SCAF1: variants seen among roughly 807,000 people sequenced by gnomAD.
SCAF1 encodes SR-related CTD associated factor 1, also known as splicing factor, arginine/serine-rich 19.
Under a neutral mutation model 91.2 loss-of-function variants are expected in SCAF1, and 28 were observed. The observed-to-expected ratio is 0.31, with a 90% CI of 0.23 to 0.42. The LOEUF (loss-of-function observed/expected upper bound fraction) is 0.42, where lower values mean the gene tolerates loss of function less well. Among genes scored for constraint, SCAF1 ranks in the 10% least tolerant of loss-of-function variants. The pLI, the probability that SCAF1 is intolerant of heterozygous loss-of-function variation, is 1.00. For missense variants in SCAF1, 1,893 were observed against 1,872.1 expected (o/e 1.01, Z -0.21); for synonymous variants, 1,036 against 833.7 (o/e 1.24, Z -4.18).
intron 7 of SCAF1, among the ~76,000 whole-genome samples, 197 bp from the exon 8 acceptor site, chr19:49,654,152 T>C (rs1400354721): frequency 6.6e-6 from 1 of 152,160 alleles, no homozygotes; most frequent in East Asian, 1.9e-4. Flanking sequence ...CCCACACACC[T>C]GGAGTCCCAA....
rs1335680210 is a variant in SCAF1 at position 49,657,815 on chromosome 19, A to G, written c.3673A>G (p.Ile1225Val). Residue 1225 changes from isoleucine to valine, a missense_variant, in exon 10 of 11, where the codon ATC (isoleucine) becomes GTC (valine). By Grantham distance (29) the Ile-to-Val change is conservative. Around this residue, in one of 5 missense-constraint regions of SCAF1, gnomAD observed 56 missense variants for 106.3 expected, o/e 0.53. Transcript: ENST00000360565. ...GGCGGTGGAGGAGGTGAAGCTGGCC[A>G]TCAAGCCATACTATCAGAAGAAGGA... ...ERAVEEVKLA[I>V]KPYYQKKDIT... The G allele has an allele frequency of 6.2e-7, 1 of 1,608,816 alleles. No homozygotes were observed. The highest frequency in any genetic ancestry group is 1.3e-5 in the African/African-American group (1 of 74,848).
chr19:49,644,735 GGAGT>G, intron 1 of SCAF1: 1 of 284,776 alleles, frequency 3.5e-6, no homozygotes, highest in Non-Finnish European at 6.6e-6. Context: ...CGGGAATTGA[GGAGT>G]GAGATGTTAA....
At chr19:49,655,624 C>T (rs1178916196) in intron 9 of SCAF1, among the ~76,000 whole-genome samples, 1 of 152,178 alleles carries the variant, frequency 6.6e-6, no homozygotes, top group Non-Finnish European at 1.5e-5. Context: ...CCTCGGCCTC[C>T]CAAAGTGCAG....
chr19:49,650,702 A>G lies in SCAF1; in HGVS notation c.479-166A>G, dbSNP rs1388852107. On this transcript the variant is annotated intron_variant, in intron 6 of 10. Transcript: ENST00000360565. ...TCCTGTGACCTTTGGGTTAAGAACC[A>G]TGGTGTGCAGTTGTTGGGAGCATCC... 6.6e-5 allele frequency among the ~76,000 whole-genome samples: 10 copies of G among 152,194 alleles called. No individual in the cohort carries two copies. In the South Asian group the frequency reaches 1.0e-3, roughly 16 times the overall value.
upstream of SCAF1, among the ~76,000 whole-genome samples, chr19:49,641,761 G>A (rs997813319): frequency 1.3e-5 from 2 of 152,206 alleles, no homozygotes; most frequent in African/African-American, 4.8e-5. Context: ...AAATTTAGGG[G>A]GGCCTAGAGG....
In SCAF1 at chr19:49,653,171, CGCAGTGGAGGTG is replaced by C; in HGVS notation, c.2787_2798del (p.Gly932_Gly935del). 4.4e-6 allele frequency: 7 copies of C among 1,593,162 alleles called. No homozygotes were observed. The highest frequency in any genetic ancestry group is 5.1e-6 in the Non-Finnish European group (6 of 1,170,164). On this transcript the variant is annotated inframe_deletion, in exon 7 of 11. Transcript: ENST00000360565. The stretch of plus-strand genomic sequence containing the variant: ...GCCATCCAAGACCAGGAAAAAGGTC[CGCAGTGGAGGTG>C]GCAGCGGGGGCAGTGGTGGCCAGGT...
chr19:49,646,003 G>A lies in SCAF1; in HGVS notation c.167-105G>A, dbSNP rs2081052433. 9.7e-7 allele frequency: 1 copy of A among 1,027,970 alleles called. No individual in the cohort carries two copies. Among genetic ancestry groups the A allele is most frequent in the South Asian group, 1.3e-5 (1 of 76,502 alleles). 63.7% of individuals were successfully genotyped at this position (1,027,970 alleles called of 1,614,324 possible). A position where few individuals can be genotyped will look rare whatever the true frequency, so the allele number is the denominator to read the frequency against. On this transcript the variant is annotated intron_variant, in intron 3 of 10. Transcript: ENST00000360565. The surrounding 1 kb of genome is among the most constrained non-coding windows in gnomAD (Gnocchi z 5.6). Reference sequence around the variant, plus strand: ...TGGAGGCCTGGAGAGCATGCGGGAGGCTGGTTCCGCTGTCAGGAACTAGAT... The same window carrying A: ...TGGAGGCCTGGAGAGCATGCGGGAGACTGGTTCCGCTGTCAGGAACTAGAT...
rs758652835 is a variant in SCAF1, at chr19:49,650,936, G to A, written c.547G>A (p.Gly183Ser). 4 of 1,601,206 alleles carry A rather than the reference G, an allele frequency of 2.5e-6. No homozygotes were observed. Among genetic ancestry groups the A allele is most frequent in the South Asian group, 1.1e-5 (1 of 89,284 alleles). ...RHLTLGTGDGGPAPPPAPSSA... is the reference protein window; with the variant it reads ...RHLTLGTGDGSPAPPPAPSSA... ...CCTCACCTTGGGCACGGGAGACGGGGGCCCTGCCCCACCCCCTGCCCCCTC... is the reference window on the plus strand; with the variant it reads ...CCTCACCTTGGGCACGGGAGACGGGAGCCCTGCCCCACCCCCTGCCCCCTC... Residue 183 changes from glycine to serine, a missense_variant, in exon 7 of 11, where the codon GGC becomes AGC. Transcript: ENST00000360565.
At chr19:49,656,523 C>A (rs1284032904) in intron 9 of SCAF1, among the ~76,000 whole-genome samples, 3 of 152,226 alleles carry the variant, frequency 2.0e-5, no homozygotes, top group African/African-American at 7.2e-5. Context: ...CTTGTGCCTG[C>A]AGAAGGCCTG....
chr19:49,652,381 G>T lies in SCAF1; in HGVS notation c.1992G>T (p.Ala664=), dbSNP rs748958375. The T allele has an allele frequency of 1.9e-6, 3 of 1,548,744 alleles. No homozygotes were observed. Among genetic ancestry groups the T allele is most frequent in the Non-Finnish European group, 2.6e-6 (3 of 1,151,110 alleles). ...GGGATGGCAGCGAGAAGGCCCCGGC[G>T]CCCGCCCCGCCGCCCTCTGGCTCCA... ...RSGDGSEKAP[A]PAPPPSGSTS... is the part of the protein sequence containing the mutation. Residue 664 remains alanine, a synonymous_variant, in exon 7 of 11, where the codon GCG becomes GCT. Transcript: ENST00000360565.
At chr19:49,657,951 G>A (rs1450582645) in intron 10 of SCAF1, 62 bp downstream of exon 10, 1 of 1,577,858 alleles carries the variant, frequency 6.3e-7, no homozygotes, top group Non-Finnish European at 8.6e-7. Context: ...AGGGACAGAT[G>A]TGTGCAGACA....
rs199887823 is a variant in SCAF1 at position 49,645,354 on chromosome 19, C to G, written c.109C>G (p.Arg37Gly). Reference sequence around the variant, plus strand: ...GCTTGGTTCTTCCCCCCTTCCCCAGCGAGCCATCCAGCAGGCTGTGGGAAG... The same window carrying G: ...GCTTGGTTCTTCCCCCCTTCCCCAGGGAGCCATCCAGCAGGCTGTGGGAAG... ...PTLSPSAFILRAIQQAVGSSL... is the reference protein window; with the variant it reads ...PTLSPSAFILGAIQQAVGSSL... The change falls in exon 3 of 11, where the codon CGA (arginine) becomes GGA (glycine). Residue 37 changes from arginine (R) to glycine (G), a missense_variant and splice_region_variant. Coordinates refer to ENST00000360565, the MANE Select transcript of SCAF1 (RefSeq NM_021228.3). The surrounding 1 kb of genome is among the most constrained non-coding windows in gnomAD (Gnocchi z 4.6). The G allele has an allele frequency of 1.6e-4, 266 of 1,613,790 alleles. 5 individuals are homozygous for G. Among genetic ancestry groups the G allele is most frequent in the South Asian group, 6.9e-4 (63 of 91,084 alleles).
At position 49,652,663 on chromosome 19, in the gene SCAF1, C is replaced by T. The variant is rs1481053353; in HGVS notation, c.2274C>T (p.Ser758=). The T allele has an allele frequency of 1.3e-6, 2 of 1,562,972 alleles. No individual in the cohort carries two copies. The highest frequency in any genetic ancestry group is 8.7e-7 in the Non-Finnish European group (1 of 1,153,842). ...QKDRRRSGAA[S]SSSSSREKGS... ...ATCGGCGCCGCTCGGGGGCCGCCTC[C>T]TCCTCCTCCTCTTCCCGGGAGAAGG... The change falls in exon 7 of 11, where the codon TCC becomes TCT. Residue 758 remains serine (S), a synonymous_variant. Transcript: ENST00000360565.
Position 49,646,967 on chromosome 19 carries a change from G to A in SCAF1, c.478+137G>A, listed in dbSNP as rs757959646. ...TTCTCTTCGTATTAGACGTGATTAA[G>A]GCTGTAGGCGCATACAGATGTACAT... On this transcript the variant is annotated intron_variant, in intron 6 of 10. Coordinates refer to ENST00000360565, the MANE Select transcript of SCAF1 (RefSeq NM_021228.3). This position sits in a 1 kb window ranked among gnomAD's most constrained non-coding sequence, Gnocchi z 5.6. 1.5e-6 allele frequency: 1 copy of A among 665,442 alleles called. No homozygotes were observed. The highest frequency in any genetic ancestry group is 2.5e-6 in the Non-Finnish European group (1 of 394,340). The allele number at this position is 665,442 out of a possible 1,614,324, so 41.2% of individuals were successfully genotyped here.
intron 9 of SCAF1, among the ~76,000 whole-genome samples, chr19:49,656,509 G>A (rs1335981575): frequency 6.6e-6 from 1 of 152,228 alleles, no homozygotes; most frequent in East Asian, 1.9e-4. Context: ...CCAAGGGACT[G>A]TCCCTTGTGC....
At chr19:49,656,694 T>C (rs1046767509) in intron 9 of SCAF1, among the ~76,000 whole-genome samples, 3 of 152,186 alleles carry the variant, frequency 2.0e-5, no homozygotes, top group Non-Finnish European at 2.9e-5. Flanking sequence ...TCGGAGGCTC[T>C]CTGCCCTGTC....
rs1341786970 is a variant in SCAF1 at position 49,652,132 on chromosome 19, C to T, written c.1743C>T (p.Arg581=). The T allele has an allele frequency of 6.3e-6, 7 of 1,115,128 alleles. No individual in the cohort carries two copies. The highest frequency in any genetic ancestry group is 7.7e-6 in the Non-Finnish European group (7 of 908,912). 69.1% of individuals were successfully genotyped at this position (1,115,128 alleles called of 1,614,324 possible). ...RRRSRSRSRS[R]STRRRSRSTD... ...GCTCCCGCTCCCGCTCCCGCTCCCG[C>T]TCCACCCGCCGCCGCTCGCGCAGCA... Residue 581 remains arginine, a synonymous_variant, in exon 7 of 11, where the codon CGC becomes CGT. Coordinates refer to ENST00000360565, the MANE Select transcript of SCAF1 (RefSeq NM_021228.3).
In SCAF1 at chr19:49,654,814, A is replaced by G. The variant is rs1050094841; in HGVS notation, c.3562A>G (p.Thr1188Ala). The change falls in exon 9 of 11, where the codon ACG becomes GCG. Residue 1188 changes from threonine to alanine, a missense_variant. By Grantham distance (58) the Thr-to-Ala change is moderately conservative (BLOSUM62 0). Around this residue, in one of 5 missense-constraint regions of SCAF1, gnomAD observed 1,436 missense variants for 1,306.8 expected, o/e 1.10. Coordinates refer to ENST00000360565, the MANE Select transcript of SCAF1 (RefSeq NM_021228.3). ...CCCCACCCCCACCGGGCTGGCTGCCACGTCTGACAAGAGAGAGGGCAGCAG... is the reference window on the plus strand; with the variant it reads ...CCCCACCCCCACCGGGCTGGCTGCCGCGTCTGACAAGAGAGAGGGCAGCAG... ...TPPTPTGLAA[T>A]SDKREGSSSS... is the part of the protein sequence containing the mutation. 1 of 1,612,362 alleles carries G rather than the reference A, an allele frequency of 6.2e-7. No homozygotes were observed. The highest frequency in any genetic ancestry group is 2.2e-5 in the East Asian group (1 of 44,840).
rs1394349032 is a variant in SCAF1 at position 49,657,715 on chromosome 19, T to C, written c.3619-46T>C. 4.5e-6 allele frequency: 7 copies of C among 1,563,800 alleles called. No homozygotes were observed. The East Asian group carries it at 7.1e-5, about 16-fold the overall frequency. On this transcript the variant is annotated intron_variant, in intron 9 of 10. Coordinates refer to ENST00000360565, the MANE Select transcript of SCAF1 (RefSeq NM_021228.3). ...GTGGAGGTGGAGGTTCCGCAGGTAC[T>C]CACTGGCCCTTGCTGTGTCTTCCCC...
Sources: allele counts gnomAD v4.1 joint callset (sites outside exome capture counted in the v4.1 genomes callset), GRCh38; gene constraint gnomAD v4.1.1; regional missense constraint gnomAD v4.1.1; non-coding constraint Gnocchi (gnomAD v3.1); transcripts MANE v1.5; gene names NCBI Gene and HGNC (gene_info 2026-07-23, HGNC 2026-07-21).